Variants in GNG7 observed in about 807,000 individuals in gnomAD.
GNG7 encodes guanine nucleotide-binding protein G(I)/G(S)/G(O) subunit gamma-7.
In GNG7, 1 loss-of-function variant was observed where a neutral mutation model predicts 4.0. That is an observed-to-expected ratio of 0.25 (90% CI 0.09 to 1.18). The LOEUF (loss-of-function observed/expected upper bound fraction) is 1.18, where lower values mean the gene tolerates loss of function less well. Among genes scored for constraint, GNG7 ranks in the 50% most tolerant of loss-of-function variants. GNG7 has a pLI of 0.50. For synonymous variants in GNG7, 34 were observed against 36.9 expected (o/e 0.92, Z 0.29); for missense variants, 86 against 91.9 (o/e 0.94, Z 0.26).
chr19:2,568,128 CAT>C (rs1485728600), intron 2 of GNG7, among the ~76,000 whole-genome samples: 11 of 151,388 alleles, frequency 7.3e-5, no homozygotes, highest in South Asian at 4.2e-4. Context: ...CACATATAGA[CAT>C]ACACACATAT....
At chr19:2,638,436 AGGGGAG>A (rs1331687847) in intron 2 of GNG7, among the ~76,000 whole-genome samples, 2 of 46,866 alleles carry the variant, frequency 4.3e-5, no homozygotes, top group African/African-American at 1.6e-4. Flanking sequence ...AAGGAGGGGA[AGGGGAG>A]GGGGAGGGGA....
rs534878578 is a variant in GNG7 at position 2,614,128 on chromosome 19, G to A, written c.-78+32096C>T. 5.9e-5 allele frequency among the ~76,000 whole-genome samples: 9 copies of A among 152,314 alleles called. No homozygotes were observed. The East Asian group carries it at 1.3e-3, about 23-fold the overall frequency. ...TTGCGAGACCACATCCTCACCACCC[G>A]GTGAACGGCACTGGGAGCAGACTCA... On this transcript the variant is annotated intron_variant, in intron 2 of 4. Coordinates refer to ENST00000382159, the MANE Select transcript of GNG7 (RefSeq NM_052847.3). The surrounding 1 kb of genome is among the most constrained non-coding windows in gnomAD (Gnocchi z 6.0).
intron 2 of GNG7, among the ~76,000 whole-genome samples, chr19:2,622,319 T>TCTGC: frequency 6.6e-6 from 1 of 152,352 alleles, no homozygotes; most frequent in East Asian, 1.9e-4. Flanking sequence ...GACCTTGTGA[T>TCTGC]CCGCCTGTGT....
rs190476398 is a variant in GNG7, at chr19:2,589,940, T to C, written c.-77-34752A>G. ...GATTCTTCTACCTCAGCCTCCCGAG[T>C]AGCTTGAATTACAGACATGCACTGC... is the stretch of plus-strand genomic sequence containing the variant. On this transcript the variant is annotated intron_variant, in intron 2 of 4. Coordinates refer to ENST00000382159, the MANE Select transcript of GNG7 (RefSeq NM_052847.3). Among the ~76,000 whole-genome samples the C allele has an allele frequency of 6.6e-5, 10 of 152,298 alleles. No homozygotes were observed. The East Asian group carries it at 1.9e-3, about 29-fold the overall frequency.
intron 1 of GNG7, among the ~76,000 whole-genome samples, chr19:2,655,807 C>G (rs1174437440): frequency 1.4e-5 from 2 of 145,304 alleles, no homozygotes; most frequent in Non-Finnish European, 3.0e-5. Context: ...CCACTGCACT[C>G]CAGCCTGGGT....
At chr19:2,542,295 T>C (rs925234991) in intron 3 of GNG7, among the ~76,000 whole-genome samples, 2 of 152,038 alleles carry the variant, frequency 1.3e-5, no homozygotes, top group Middle Eastern at 3.4e-3. Flanking sequence ...TTGTATTTTT[T>C]AGTCGAGACG....
intron 2 of GNG7, among the ~76,000 whole-genome samples, chr19:2,590,333 T>C (rs1421649484): frequency 6.6e-6 from 1 of 152,288 alleles, no homozygotes; most frequent in South Asian, 2.1e-4. Context: ...ACATAACAAT[T>C]TTCCATATCT....
At chr19:2,599,021 G>A (rs1396763596) in intron 2 of GNG7, among the ~76,000 whole-genome samples, 1 of 152,208 alleles carries the variant, frequency 6.6e-6, no homozygotes, top group African/African-American at 2.4e-5. Flanking sequence ...CCATGATGAA[G>A]AGGGGGAGAG....
chr19:2,686,890 T>A (rs1983886038), intron 1 of GNG7, among the ~76,000 whole-genome samples: 1 of 151,808 alleles, frequency 6.6e-6, no homozygotes, highest in African/African-American at 2.4e-5. Context: ...TAGCTGGGAC[T>A]ACAGGCGCCC....
In GNG7 at chr19:2,523,962, G is replaced by C. The variant is rs76147776; in HGVS notation, c.-37-3237C>G. ...GAGCCCACGTGTGGCCGCTCAGAGGGCTCTGATTCCAGAGAGCTTCAAAGC... is the reference window on the plus strand; with the variant it reads ...GAGCCCACGTGTGGCCGCTCAGAGGCCTCTGATTCCAGAGAGCTTCAAAGC... On this transcript the variant is annotated intron_variant, in intron 3 of 4. Coordinates refer to ENST00000382159, the MANE Select transcript of GNG7 (RefSeq NM_052847.3). Among the ~76,000 whole-genome samples the C allele has an allele frequency of 2.1e-4, 32 of 152,296 alleles. No individual in the cohort carries two copies. In the East Asian group the frequency reaches 6.0e-3, roughly 28 times the overall value.
chr19:2,512,705 C>T lies in GNG7; in HGVS notation c.*2317G>A, dbSNP rs889331686. The T allele has an allele frequency of 2.2e-5, 4 of 180,488 alleles. No individual in the cohort carries two copies. The highest frequency in any genetic ancestry group is 4.3e-5 in the Non-Finnish European group (4 of 94,010). The allele number at this position is 180,488 out of a possible 1,614,324, so 11.2% of individuals were successfully genotyped here. ...GCTTGGCACAGCTGTGCCCCCTCCT[C>T]CCTCTGCCCTGGCAGCGGGGGCTCG... On this transcript the variant is annotated 3_prime_UTR_variant, in exon 5 of 5. Transcript: ENST00000382159. The surrounding 1 kb of genome is among the most constrained non-coding windows in gnomAD (Gnocchi z 4.7).
rs1982979299 is a variant in GNG7, at chr19:2,656,507, CAGG to C, written c.-134-10230_-134-10228del. On this transcript the variant is annotated intron_variant, in intron 1 of 4. Transcript: ENST00000382159. ...GTCCCAGCTACTCAGGAGGCTGAGG[CAGG>C]AGAAGCTTGAACCCAGGAGGCGGGG... 2.0e-5 allele frequency among the ~76,000 whole-genome samples: 3 copies of C among 152,162 alleles called. No individual in the cohort carries two copies. The South Asian group carries it at 6.2e-4, about 32-fold the overall frequency.
chr19:2,667,614 C>A (rs910718335), intron 1 of GNG7, among the ~76,000 whole-genome samples: 6 of 151,936 alleles, frequency 3.9e-5, no homozygotes, highest in African/African-American at 1.4e-4. Context: ...CCCATCTCTA[C>A]AAAAATAATT....
chr19:2,649,386 T>C (rs1982749371), intron 1 of GNG7, among the ~76,000 whole-genome samples: 1 of 149,290 alleles, frequency 6.7e-6, no homozygotes, highest in Non-Finnish European at 1.5e-5. Context: ...CGCTCACCCC[T>C]AGGAATTATT....
At chr19:2,567,091 G>C (rs1461029183) in intron 2 of GNG7, among the ~76,000 whole-genome samples, 1 of 145,860 alleles carries the variant, frequency 6.9e-6, no homozygotes, top group African/African-American at 2.5e-5. Context: ...CGGCCTGGGC[G>C]ACAGAGCGAG....
intron 4 of GNG7, among the ~76,000 whole-genome samples, chr19:2,517,697 A>G (rs893127223): frequency 6.6e-6 from 1 of 152,142 alleles, no homozygotes; most frequent in African/African-American, 2.4e-5. Flanking sequence ...TTTCTGGTAC[A>G]GATGAGGTCT....
chr19:2,686,791 G>A (rs535141153), intron 1 of GNG7, among the ~76,000 whole-genome samples: 8 of 142,528 alleles, frequency 5.6e-5, no homozygotes, highest in South Asian at 4.4e-4. Flanking sequence ...TCGCTCTCTC[G>A]CCCAGGGTGG....
chr19:2,537,176 C>T (rs1306278186), intron 3 of GNG7, among the ~76,000 whole-genome samples: 4 of 151,786 alleles, frequency 2.6e-5, no homozygotes, highest in African/African-American at 7.3e-5. Flanking sequence ...GTCTCCATCT[C>T]CTGACCTCGT....
chr19:2,668,826 TA>T (rs991461181), intron 1 of GNG7, among the ~76,000 whole-genome samples: 19 of 152,186 alleles, frequency 1.2e-4, no homozygotes, highest in African/African-American at 4.1e-4. Context: ...ATGGCTGTGG[TA>T]GGGGGCTGTG....
Sources: allele counts gnomAD v4.1 joint callset (sites outside exome capture counted in the v4.1 genomes callset), GRCh38; gene constraint gnomAD v4.1.1; non-coding constraint Gnocchi (gnomAD v3.1); transcripts MANE v1.5; gene names NCBI Gene and HGNC (gene_info 2026-07-23, HGNC 2026-07-21).